Variants in MEI4 observed in about 807,000 individuals in gnomAD.
The protein encoded by MEI4 is meiosis-specific protein MEI4.
Under a neutral mutation model 31.4 loss-of-function variants are expected in MEI4, and 27 were observed. That is an observed-to-expected ratio of 0.86 (90% confidence interval 0.63 to 1.19). The LOEUF is 1.19. MEI4 is among the 50% of genes most tolerant of loss of function. The pLI is 0.00. For missense variants in MEI4, 329 were observed against 398.9 expected (o/e 0.82, Z 1.49); for synonymous variants, 122 against 145.4 (o/e 0.84, Z 1.16).
chr6:77,903,820 TGTG>T (rs1210033110), intron 4 of MEI4, among the ~76,000 whole-genome samples: 13 of 152,170 alleles, frequency 8.5e-5, no homozygotes, highest in African/African-American at 1.7e-4. Flanking sequence ...ATTATGATAA[TGTG>T]GTGCATTACA....
chr6:77,859,370 T>G (rs1370367260), intron 4 of MEI4, among the ~76,000 whole-genome samples: 1 of 152,164 alleles, frequency 6.6e-6, no homozygotes, highest in African/African-American at 2.4e-5. Context: ...TATATCCCTT[T>G]GAGTAAATAC....
chr6:77,878,455 T>A lies in MEI4; in HGVS notation c.901-44634T>A, dbSNP rs545207349. Among the ~76,000 whole-genome samples the A allele has an allele frequency of 2.3e-4, 35 of 152,144 alleles. No individual in the cohort carries two copies. In the South Asian group the frequency reaches 6.6e-3, roughly 29 times the overall value. ...AAAAATGAACATAATAATAGAGAAATTATGGAGACATTGTGCAAACTTTAG... is the reference window on the plus strand; with the variant it reads ...AAAAATGAACATAATAATAGAGAAAATATGGAGACATTGTGCAAACTTTAG... On this transcript the variant is annotated intron_variant, in intron 4 of 4. Transcript: ENST00000684080.
chr6:77,805,728 T>A (rs941541204), intron 3 of MEI4, among the ~76,000 whole-genome samples: 2 of 152,094 alleles, frequency 1.3e-5, no homozygotes, highest in Admixed American at 6.5e-5. Flanking sequence ...GTAAATAGAT[T>A]AAGGATAATG....
At chr6:77,736,379 TG>T (rs1046411622) in intron 2 of MEI4, among the ~76,000 whole-genome samples, 9 of 152,074 alleles carry the variant, frequency 5.9e-5, no homozygotes, top group Non-Finnish European at 1.0e-4. Context: ...AGTATTTGGG[TG>T]GGAGTGACCC....
At chr6:77,756,905 A>G (rs1339139540) in intron 2 of MEI4, among the ~76,000 whole-genome samples, 1 of 152,226 alleles carries the variant, frequency 6.6e-6, no homozygotes, top group Non-Finnish European at 1.5e-5. Flanking sequence ...TGAAAAGATC[A>G]TAAGGATGAC....
intron 4 of MEI4, among the ~76,000 whole-genome samples, chr6:77,919,131 T>C (rs1038627515): frequency 6.6e-6 from 1 of 151,826 alleles, no homozygotes; most frequent in African/African-American, 2.4e-5. Context: ...TTGAACTCAG[T>C]TCTGCACCAA....
chr6:77,730,513 C>A lies in MEI4; in HGVS notation c.233-30617C>A, dbSNP rs528788640. 1.4e-4 allele frequency among the ~76,000 whole-genome samples: 21 copies of A among 152,204 alleles called. 1 individual carries two copies. The South Asian group carries it at 4.3e-3, about 32-fold the overall frequency. ...GAGATGGTTTCCTCTTATCAGCTCC[C>A]AGTTTTTCCCTACTAACTCTTTTCT... On this transcript the variant is annotated intron_variant, in intron 2 of 4. Coordinates refer to ENST00000684080, the MANE Select transcript of MEI4 (RefSeq NM_001322247.2).
At chr6:77,900,411 A>ATG (rs1766164153) in intron 4 of MEI4, among the ~76,000 whole-genome samples, 2 of 152,016 alleles carry the variant, frequency 1.3e-5, no homozygotes, top group African/African-American at 4.8e-5. Flanking sequence ...AAAACAATGA[A>ATG]TGTGTATTGA....
At position 77,792,452 on chromosome 6, in the gene MEI4, A is replaced by T. The variant is rs531134681; in HGVS notation, c.768+30787A>T. On this transcript the variant is annotated intron_variant, in intron 3 of 4. Transcript: ENST00000684080. ...TGTACAAGGGTTTCATTTTCTGCAAATTCTTGCCAGTACTTGTTTTCTTTT... is the reference window on the plus strand; with the variant it reads ...TGTACAAGGGTTTCATTTTCTGCAATTTCTTGCCAGTACTTGTTTTCTTTT... 4.2e-4 allele frequency among the ~76,000 whole-genome samples: 64 copies of T among 152,218 alleles called. No individual in the cohort carries two copies. The South Asian group carries it at 0.013, about 31-fold the overall frequency.
intron 3 of MEI4, among the ~76,000 whole-genome samples, chr6:77,763,102 A>G (rs558806577): frequency 6.6e-6 from 1 of 152,096 alleles, no homozygotes; most frequent in Non-Finnish European, 1.5e-5. Flanking sequence ...GGAGGTTGAT[A>G]TGACTTAAAC....
At chr6:77,919,094 C>T (rs1422424233) in intron 4 of MEI4, among the ~76,000 whole-genome samples, 1 of 151,964 alleles carries the variant, frequency 6.6e-6, no homozygotes, top group Non-Finnish European at 1.5e-5. Context: ...ATCAACAAGA[C>T]AGAAAGTCAA....
chr6:77,859,213 C>T (rs1435476982), intron 4 of MEI4, among the ~76,000 whole-genome samples: 1 of 152,164 alleles, frequency 6.6e-6, no homozygotes, highest in Non-Finnish European at 1.5e-5. Context: ...CTTTTTATGG[C>T]TGCATAGTAT....
chr6:77,899,322 A>C (rs1198191967), intron 4 of MEI4, among the ~76,000 whole-genome samples: 2 of 152,082 alleles, frequency 1.3e-5, no homozygotes, highest in Non-Finnish European at 2.9e-5. Flanking sequence ...AAGAAGGAGA[A>C]ATGGATATGG....
intron 3 of MEI4, among the ~76,000 whole-genome samples, chr6:77,764,429 C>T (rs193234563): frequency 1.8e-4 from 27 of 151,976 alleles, no homozygotes; most frequent in African/African-American, 4.8e-4. Context: ...TAAACTGTTT[C>T]GTTGTTCACT....
intron 4 of MEI4, among the ~76,000 whole-genome samples, chr6:77,836,914 T>G (rs546247843): frequency 2.0e-5 from 3 of 152,250 alleles, no homozygotes; most frequent in African/African-American, 7.2e-5. Context: ...TTAATCTTGT[T>G]TTGTTTAACA....
At chr6:77,860,590 A>G (rs1770841030) in intron 4 of MEI4, among the ~76,000 whole-genome samples, 1 of 152,186 alleles carries the variant, frequency 6.6e-6, no homozygotes, top group Non-Finnish European at 1.5e-5. Flanking sequence ...AAAGTATTTT[A>G]TATCAAACCA....
At chr6:77,750,374 C>A (rs1399645758) in intron 2 of MEI4, among the ~76,000 whole-genome samples, 1 of 152,044 alleles carries the variant, frequency 6.6e-6, no homozygotes, top group African/African-American at 2.4e-5. Flanking sequence ...TTCAGGAGAC[C>A]CATCCCACAT....
intron 2 of MEI4, among the ~76,000 whole-genome samples, chr6:77,692,918 T>C (rs1406945019): frequency 6.6e-6 from 1 of 151,946 alleles, no homozygotes. Context: ...ATTTAAGGAA[T>C]AGTGAAGTTA....
At position 77,658,749 on chromosome 6, in the gene MEI4, A is replaced by G. The variant is rs1046304532; in HGVS notation, c.-15+5657A>G. On this transcript the variant is annotated intron_variant, in intron 1 of 4. Transcript: ENST00000684080. ...TGAATTGAAAAACTAAACGGAAGAT[A>G]CAAGGTCCGAATAAAAGAAGAAGAA... Among the ~76,000 whole-genome samples, 8 of 152,254 alleles carry G rather than the reference A, an allele frequency of 5.3e-5. 1 individual carries two copies. Among genetic ancestry groups the G allele is most frequent in the African/African-American group, 1.9e-4 (8 of 41,536 alleles).
Sources: allele counts gnomAD v4.1 joint callset (sites outside exome capture counted in the v4.1 genomes callset), GRCh38; gene constraint gnomAD v4.1.1; transcripts MANE v1.5; gene names NCBI Gene and HGNC (gene_info 2026-07-23, HGNC 2026-07-21).